Variants in LRCH1 observed in about 807,000 individuals in gnomAD.
LRCH1 encodes the protein leucine-rich repeat and calponin homology domain-containing protein 1.
Under a neutral mutation model 94.9 loss-of-function variants are expected in LRCH1, and 23 were observed. The ratio of observed to expected loss-of-function variants is 0.24; its 90% CI spans 0.17 to 0.34. The LOEUF (loss-of-function observed/expected upper bound fraction) is 0.34. LRCH1 is among the 10% of genes least tolerant of loss of function. The pLI is 1.00. For synonymous variants in LRCH1, 364 were observed against 354.9 expected (o/e 1.03, Z -0.29); for missense variants, 790 against 945.9 (o/e 0.84, Z 2.16).
intron 7 of LRCH1, among the ~76,000 whole-genome samples, chr13:46,690,683 C>G (rs1870849828): frequency 6.6e-6 from 1 of 152,178 alleles, no homozygotes; most frequent in African/African-American, 2.4e-5. Context: ...AGATTATATT[C>G]AACAGAATGA....
At chr13:46,736,887 A>T (rs1873412987) in intron 19 of LRCH1, among the ~76,000 whole-genome samples, 2 of 152,340 alleles carry the variant, frequency 1.3e-5, no homozygotes, top group East Asian at 3.9e-4. Context: ...TTTTTGTCCT[A>T]TGTAATAGAA....
chr13:46,665,708 G>A (rs1300651769), intron 2 of LRCH1, among the ~76,000 whole-genome samples: 1 of 152,112 alleles, frequency 6.6e-6, no homozygotes, highest in Non-Finnish European at 1.5e-5. Context: ...CTCTGGTGAT[G>A]TAGCTTGTCG....
rs548393871 is a variant in LRCH1, at chr13:46,726,958, G to A, written c.1870-1889G>A. On this transcript the variant is annotated intron_variant, in intron 17 of 19. Transcript: ENST00000389797. Reference sequence around the variant, plus strand: ...ATTCAAAAATGTCCAGGTTTCCACTGCAAATCCTTCATCATTCCAAGGACG... The same window carrying A: ...ATTCAAAAATGTCCAGGTTTCCACTACAAATCCTTCATCATTCCAAGGACG... Among the ~76,000 whole-genome samples, 6 of 150,868 alleles carry A rather than the reference G, an allele frequency of 4.0e-5. No homozygotes were observed. The East Asian group carries it at 1.2e-3, about 29-fold the overall frequency.
chr13:46,642,028 G>A (rs773932177), intron 1 of LRCH1, among the ~76,000 whole-genome samples: 9 of 152,238 alleles, frequency 5.9e-5, no homozygotes, highest in Non-Finnish European at 1.0e-4. Context: ...TAGAGCTGTG[G>A]TGGCCCAGCT....
intron 16 of LRCH1, among the ~76,000 whole-genome samples, chr13:46,718,446 A>G (rs2138210616): frequency 6.6e-6 from 1 of 152,286 alleles, no homozygotes; most frequent in Admixed American, 6.5e-5. Context: ...CGTTTTGTAA[A>G]ACTATAGTCA....
intron 3 of LRCH1, among the ~76,000 whole-genome samples, chr13:46,671,932 C>T (rs1187787154): frequency 2.6e-5 from 4 of 151,964 alleles, no homozygotes; most frequent in African/African-American, 9.7e-5. Flanking sequence ...CAATGTCACC[C>T]AAAGTCCACA....
At position 46,743,858 on chromosome 13, in the gene LRCH1, A is replaced by G. The variant is rs1376173938; in HGVS notation, c.*2010A>G. On this transcript the variant is annotated 3_prime_UTR_variant, in exon 20 of 20. Transcript: ENST00000389797. Reference sequence around the variant, plus strand: ...GATATAGTTCAATTAAAACATGTTAAAGACAAATTAAAAGACATTTATATT... The same window carrying G: ...GATATAGTTCAATTAAAACATGTTAGAGACAAATTAAAAGACATTTATATT... 1.0e-6 allele frequency: 1 copy of G among 984,036 alleles called. No homozygotes were observed. Among genetic ancestry groups the G allele is most frequent in the Non-Finnish European group, 1.2e-6 (1 of 828,758 alleles). 61.0% of individuals were successfully genotyped at this position (984,036 alleles called of 1,614,324 possible). A position where few individuals can be genotyped will look rare whatever the true frequency, so the allele number is the denominator to read the frequency against.
At chr13:46,726,734 A>C (rs1872831537) in intron 17 of LRCH1, among the ~76,000 whole-genome samples, 1 of 152,008 alleles carries the variant, frequency 6.6e-6, no homozygotes, top group African/African-American at 2.4e-5. Context: ...ACCCCCACTC[A>C]GCAGTAAGGA....
At chr13:46,741,509 C>A in intron 19 of LRCH1, 133 bp from the exon 20 acceptor site, 1 of 982,094 alleles carries the variant, frequency 1.0e-6, no homozygotes, top group Non-Finnish European at 1.6e-6. Flanking sequence ...AAGGGTCTTA[C>A]CTGCTTGAAA....
chr13:46,712,638 A>C, intron 15 of LRCH1, 41 bp downstream of exon 15: 505 of 1,531,306 alleles, frequency 3.3e-4, no homozygotes, highest in Non-Finnish European at 4.2e-4. Flanking sequence ...TAAATAACTC[A>C]TTGCTTTCTC....
At chr13:46,660,567 A>G (rs1247623544) in intron 2 of LRCH1, among the ~76,000 whole-genome samples, 1 of 152,214 alleles carries the variant, frequency 6.6e-6, no homozygotes, top group Non-Finnish European at 1.5e-5. Flanking sequence ...ACAGAGCAGG[A>G]ACTCAGCAGG....
chr13:46,666,737 AT>A (rs1483443574), intron 2 of LRCH1, among the ~76,000 whole-genome samples: 1 of 152,192 alleles, frequency 6.6e-6, no homozygotes, highest in Non-Finnish European at 1.5e-5. Context: ...ATTTCAAATT[AT>A]TTGCTTGCCA....
intron 8 of LRCH1, among the ~76,000 whole-genome samples, chr13:46,693,198 A>T (rs1471599531): frequency 6.6e-6 from 1 of 151,808 alleles, no homozygotes; most frequent in Admixed American, 6.6e-5. Flanking sequence ...AGTTAGGAAA[A>T]CTCTAGCTGC....
chr13:46,630,239 A>C (rs1343759560), intron 1 of LRCH1, among the ~76,000 whole-genome samples: 1 of 152,250 alleles, frequency 6.6e-6, no homozygotes, highest in Non-Finnish European at 1.5e-5. Context: ...AGGCATAATC[A>C]GTGGGTGGAA....
At chr13:46,590,485 G>A (rs987351201) in intron 1 of LRCH1, among the ~76,000 whole-genome samples, 22 of 152,180 alleles carry the variant, frequency 1.4e-4, no homozygotes, top group Admixed American at 1.4e-3. Context: ...TGTTATCACA[G>A]GCCAATTTAT....
intron 17 of LRCH1, among the ~76,000 whole-genome samples, chr13:46,727,735 A>G: frequency 6.6e-6 from 1 of 152,054 alleles, no homozygotes; most frequent in East Asian, 1.9e-4. Context: ...GGTTGTTTTG[A>G]AAGTTGTTAC....
chr13:46,554,141 G>A (rs529958986), intron 1 of LRCH1, among the ~76,000 whole-genome samples: 5 of 152,250 alleles, frequency 3.3e-5, no homozygotes, highest in Non-Finnish European at 7.3e-5. Context: ...CCTCCAACCA[G>A]TTCAAGCCGT....
Position 46,712,604 on chromosome 13 carries a change from G to C in LRCH1, c.1654+7G>C. 1 of 1,612,870 alleles carries C rather than the reference G, an allele frequency of 6.2e-7. No individual in the cohort carries two copies. Among genetic ancestry groups the C allele is most frequent in the Non-Finnish European group, 8.5e-7 (1 of 1,178,898 alleles). ...GGCCTGAAGCCTCGATCAGGTAAATGAAAACCTCAGCCCATTCTTACACTA... is the reference window on the plus strand; with the variant it reads ...GGCCTGAAGCCTCGATCAGGTAAATCAAAACCTCAGCCCATTCTTACACTA... On this transcript the variant is annotated splice_region_variant and intron_variant, in intron 15 of 19. Coordinates refer to ENST00000389797, the MANE Select transcript of LRCH1 (RefSeq NM_001164211.2).
intron 1 of LRCH1, among the ~76,000 whole-genome samples, chr13:46,619,113 T>TTCC (rs143168003): frequency 0.13 from 12,162 of 90,694 alleles, 739 homozygotes; most frequent in Middle Eastern, 0.24. Context: ...CCTTCCTTCC[T>TTCC]TTTTTTTGGT....
Sources: gnomAD v4.1 joint callset for allele counts (sites outside exome capture counted in the v4.1 genomes callset) on GRCh38, gnomAD v4.1.1 for gene constraint, MANE v1.5 for transcripts, NCBI Gene and HGNC (gene_info 2026-07-23, HGNC 2026-07-21) for gene names.